The following RIF1 variants were observed in gnomAD, a reference collection of about 807,000 sequenced individuals.
RIF1 encodes telomere-associated protein RIF1.
Under a neutral mutation model 247.1 loss-of-function variants are expected in RIF1, and 45 were observed. The observed-to-expected ratio is 0.18, with a 90% CI of 0.14 to 0.23. The LOEUF (loss-of-function observed/expected upper bound fraction) is 0.23, where lower values mean the gene tolerates loss of function less well. Ranked by LOEUF, RIF1 falls within the 10% of genes least tolerant of loss-of-function variation. RIF1 has a pLI of 1.00. For missense variants in RIF1, 2,967 were observed against 2,862.5 expected, an observed-to-expected ratio of 1.04 and a Z score of -0.83; for synonymous variants, 1,087 against 978.8, an observed-to-expected ratio of 1.11 and a Z score of -2.06.
At chr2:151,424,699 T>C (rs1292686558) in intron 8 of RIF1, among the ~76,000 whole-genome samples, 1 of 151,856 alleles carries the variant, frequency 6.6e-6, no homozygotes, top group Non-Finnish European at 1.5e-5. Flanking sequence ...AAGGTCTGGC[T>C]CTATCTATCA....
the RIF1 span, chr2:151,524,417 T>C: frequency 6.2e-7 from 1 of 1,613,950 alleles, no homozygotes; most frequent in East Asian, 2.2e-5. Context: ...GTACTCCACC[T>C]GAATCAGAGA....
intron 10 of RIF1, chr2:151,499,215 G>GTTGA: frequency 2.8e-6 from 2 of 720,344 alleles, no homozygotes; most frequent in Non-Finnish European, 4.5e-6. Context: ...ATTGGGATGA[G>GTTGA]TTGATTAGAT....
At chr2:151,458,390 G>T (rs1260939430) in intron 24 of RIF1, among the ~76,000 whole-genome samples, 3 of 151,788 alleles carry the variant, frequency 2.0e-5, no homozygotes, top group Non-Finnish European at 2.9e-5. Context: ...GTGCCACCAT[G>T]CCTGGCTAAT....
Position 151,437,333 on chromosome 2 carries a change from G to A in RIF1, c.1465G>A (p.Val489Ile), listed in dbSNP as rs761328364. The change falls in exon 13 of 36, where the codon GTT becomes ATT. Residue 489 changes from valine (V) to isoleucine (I), a missense_variant. Physicochemically the swap from Val to Ile is conservative, Grantham distance 29. Around this residue, in one of 7 missense-constraint regions of RIF1, gnomAD observed 369 missense variants for 322.0 expected, o/e 1.15. Transcript: ENST00000444746. ...TGCTGTTCATGATAGCTTTGTTGCA[G>A]TTGGAAAAGATGCCCCCGGTAAGAG... is the stretch of plus-strand genomic sequence containing the variant. ...ITAVHDSFVA[V>I]GKDAPDVVVS... is the part of the protein sequence containing the mutation. The A allele has an allele frequency of 1.2e-6, 2 of 1,612,356 alleles. No homozygotes were observed. The highest frequency in any genetic ancestry group is 2.2e-5 in the South Asian group (2 of 90,892).
chr2:151,451,632 T>C lies in RIF1; in HGVS notation c.2271T>C (p.Ile757=). The C allele has an allele frequency of 6.8e-7, 1 of 1,462,550 alleles. No individual in the cohort carries two copies. The highest frequency in any genetic ancestry group is 9.6e-7 in the Non-Finnish European group (1 of 1,043,370). The allele number at this position is 1,462,550 out of a possible 1,614,324, so 90.6% of individuals were successfully genotyped here. The part of the protein sequence containing the change: ...FSNLLFVDRI[I]YIITVMVDCI... The stretch of plus-strand genomic sequence containing the variant: ...ATTTGTTGTTCGTGGATAGAATTAT[T>C]TATATTATTACTGTAATGGTTGATT... Residue 757 remains isoleucine (I), a synonymous_variant, in exon 21 of 36, where the codon ATT becomes ATC. Transcript: ENST00000444746.
the RIF1 span, chr2:151,526,902 G>C: frequency 6.5e-7 from 1 of 1,532,070 alleles, no homozygotes. Context: ...CATCATGGAA[G>C]GAACTAGGTA....
chr2:151,465,942 A>G lies in RIF1; in HGVS notation c.6422A>G (p.Asn2141Ser), dbSNP rs1250619566. The change falls in exon 30 of 36, where the codon AAT becomes AGT. Residue 2141 changes from asparagine to serine, a missense_variant. Physicochemically the swap from Asn to Ser is conservative, Grantham distance 46 (BLOSUM62 1). Transcript: ENST00000444746. ...ATCTCTGAGCTAATAATAGAAGACA[A>G]TAATGCATCTCCTCAAAAACTAAGG... Reference protein sequence around the residue: ...TAISELIIEDNNASPQKLREL... With the variant: ...TAISELIIEDSNASPQKLREL... 2.5e-6 allele frequency: 4 copies of G among 1,614,182 alleles called. No homozygotes were observed. The highest frequency in any genetic ancestry group is 2.5e-6 in the Non-Finnish European group (3 of 1,180,018).
Position 151,475,118 on chromosome 2 carries a change from T to A in RIF1, c.*47T>A. ...GTTTTTTTAAACATCACTGGATTTCTTGATTGAGGAAACAAGTTCTGAAAT... is the reference window on the plus strand; with the variant it reads ...GTTTTTTTAAACATCACTGGATTTCATGATTGAGGAAACAAGTTCTGAAAT... On this transcript the variant is annotated 3_prime_UTR_variant, in exon 36 of 36. Coordinates refer to ENST00000444746, the MANE Select transcript of RIF1 (RefSeq NM_018151.5). 1 of 1,290,706 alleles carries A rather than the reference T, an allele frequency of 7.7e-7. No individual in the cohort carries two copies. Among genetic ancestry groups the A allele is most frequent in the Non-Finnish European group, 1.1e-6 (1 of 892,714 alleles). 80.0% of individuals were successfully genotyped at this position (1,290,706 alleles called of 1,614,324 possible).
At position 151,476,070 on chromosome 2, in the gene RIF1, A is replaced by C. The variant is rs1559040580; in HGVS notation, c.*999A>C. The C allele has an allele frequency of 6.6e-6, 1 of 152,170 alleles. No homozygotes were observed. The highest frequency in any genetic ancestry group is 1.9e-4 in the East Asian group (1 of 5,200). 9.4% of individuals were successfully genotyped at this position (152,170 alleles called of 1,614,324 possible). A position where few individuals can be genotyped will look rare whatever the true frequency, so the allele number is the denominator to read the frequency against. On this transcript the variant is annotated 3_prime_UTR_variant, in exon 36 of 36. Coordinates refer to ENST00000444746, the MANE Select transcript of RIF1 (RefSeq NM_018151.5). ...ATAAGTAAAATTATAGAAATAAGAAAATGTTACACAACTTTGCTGTTCATA... is the reference window on the plus strand; with the variant it reads ...ATAAGTAAAATTATAGAAATAAGAACATGTTACACAACTTTGCTGTTCATA...
chr2:151,443,734 T>G (rs758505384), intron 18 of RIF1, 25 bp downstream of exon 18: 3 of 1,423,400 alleles, frequency 2.1e-6, no homozygotes, highest in Non-Finnish European at 2.8e-6. Flanking sequence ...TGCTACGTAT[T>G]TTGGATAATA....
In RIF1 at chr2:151,488,529, C is replaced by A. The variant is rs1002131872; in HGVS notation, c.*415+5194C>A. 4.6e-5 allele frequency among the ~76,000 whole-genome samples: 7 copies of A among 151,816 alleles called. No individual in the cohort carries two copies. In the South Asian group the frequency reaches 1.3e-3, roughly 27 times the overall value. ...TAGAATGGCATATACACCTGTAGTC[C>A]TAGCTATTCTGGTGGCTGAGGCTGG... is the stretch of plus-strand genomic sequence containing the variant. On this transcript the variant is annotated intron_variant and NMD_transcript_variant, in intron 9 of 13. Coordinates refer to the RIF1 transcript ENST00000454583.
intron 17 of RIF1, 99 bp from the exon 18 acceptor site, chr2:151,443,430 A>G: frequency 1.5e-6 from 2 of 1,359,742 alleles, no homozygotes; most frequent in Non-Finnish European, 2.0e-6. Context: ...TTTAAAAAAA[A>G]TTCGTTAACT....
intron 27 of RIF1, among the ~76,000 whole-genome samples, chr2:151,461,789 A>T (rs915519635): frequency 6.6e-6 from 1 of 152,180 alleles, no homozygotes; most frequent in East Asian, 1.9e-4. Flanking sequence ...TTATAAACTG[A>T]ATTTCTTCTC....
chr2:151,506,027 T>C, intron 12 of RIF1: 1 of 764,536 alleles, frequency 1.3e-6, no homozygotes. Context: ...CTAGCCACTG[T>C]GTGGTGGTGG....
rs939412473 is a variant in RIF1 at position 151,476,327 on chromosome 2, G to T, written c.*1256G>T. 1 of 152,116 alleles carries T rather than the reference G, an allele frequency of 6.6e-6. No individual in the cohort carries two copies. The highest frequency in any genetic ancestry group is 1.5e-5 in the Non-Finnish European group (1 of 67,994). The allele number at this position is 152,116 out of a possible 1,614,324, so 9.4% of individuals were successfully genotyped here. On this transcript the variant is annotated 3_prime_UTR_variant, in exon 36 of 36. Coordinates refer to ENST00000444746, the MANE Select transcript of RIF1 (RefSeq NM_018151.5). ...GCCTAGGTTTTCTTTTTTTAAAGAG[G>T]TATGTAATTAAAACCTTTGTAAAAT...
At chr2:151,491,838 A>C in intron 9 of RIF1, 1 of 1,345,494 alleles carries the variant, frequency 7.4e-7, no homozygotes, top group Admixed American at 2.1e-5. Context: ...TTGAAAACCA[A>C]GGCATGAATT....
chr2:151,454,170 C>T (rs772747733), intron 21 of RIF1, among the ~76,000 whole-genome samples: 3 of 152,152 alleles, frequency 2.0e-5, no homozygotes, highest in Admixed American at 6.5e-5. Flanking sequence ...TTTAATTAAG[C>T]ATTCGTTTTC....
At chr2:151,502,197 A>G (rs1296250079) in intron 11 of RIF1, among the ~76,000 whole-genome samples, 2 of 151,926 alleles carry the variant, frequency 1.3e-5, no homozygotes, top group Non-Finnish European at 2.9e-5. Flanking sequence ...AGAATGATAC[A>G]GTGAACTTTG....
downstream of RIF1, chr2:151,485,845 G>A (rs1379431104): frequency 1.9e-6 from 3 of 1,613,950 alleles, 1 homozygote; most frequent in South Asian, 2.2e-5. Flanking sequence ...TTCATCAATT[G>A]CTTGAACATT....
Sources: allele counts gnomAD v4.1 joint callset (sites outside exome capture counted in the v4.1 genomes callset), GRCh38; gene constraint gnomAD v4.1.1; regional missense constraint gnomAD v4.1.1; transcripts MANE v1.5; gene names NCBI Gene and HGNC (gene_info 2026-07-23, HGNC 2026-07-21).